KCNIP1: variants seen among roughly 807,000 people sequenced by gnomAD.
KCNIP1 encodes potassium voltage-gated channel interacting protein 1.
In KCNIP1, 18 loss-of-function variants were observed where a neutral mutation model predicts 33.0. The ratio of observed to expected loss-of-function variants is 0.55; its 90% CI spans 0.38 to 0.81. The LOEUF (loss-of-function observed/expected upper bound fraction) is 0.81. Ranked by LOEUF, KCNIP1 falls within the 30% of genes least tolerant of loss-of-function variation. The pLI, the probability that KCNIP1 is intolerant of heterozygous loss-of-function variation, is 0.00. For missense variants in KCNIP1, 238 were observed against 271.6 expected (o/e 0.88, Z 0.87); for synonymous variants, 93 against 98.3 (o/e 0.95, Z 0.32).
At position 170,726,745 on chromosome 5, in the gene KCNIP1, CA is replaced by C. The variant is rs57173351; in HGVS notation, c.435+3944del. ...CGAGACACTGTCTCTACTAAAAATA[CA>C]AAAAAAAAAAAAAAAAAAGCCAGAC... On this transcript the variant is annotated intron_variant, in intron 5 of 7. Transcript: ENST00000328939. Among the ~76,000 whole-genome samples the C allele has an allele frequency of 3.7e-3, 210 of 56,688 alleles. 1 individual carries two copies. Among genetic ancestry groups the C allele is most frequent in the Middle Eastern group, 0.015 (1 of 68 alleles). 37.2% of individuals were successfully genotyped at this position (56,688 alleles called of 152,430 possible).
At chr5:170,426,728 A>C (rs1017280798) in intron 1 of KCNIP1, among the ~76,000 whole-genome samples, 1 of 152,244 alleles carries the variant, frequency 6.6e-6, no homozygotes, top group Admixed American at 6.5e-5. Flanking sequence ...TTCACACTCC[A>C]CCCAGATTTT....
chr5:170,626,108 A>G (rs1455949095), intron 1 of KCNIP1, among the ~76,000 whole-genome samples: 2 of 152,172 alleles, frequency 1.3e-5, no homozygotes, highest in Non-Finnish European at 2.9e-5. Context: ...AAGGTGCTGG[A>G]AGGTTTGAAG....
At chr5:170,713,948 C>T (rs1402957833) in intron 1 of KCNIP1, among the ~76,000 whole-genome samples, 12 of 151,194 alleles carry the variant, frequency 7.9e-5, no homozygotes, top group African/African-American at 2.2e-4. Context: ...TGCTTGAACC[C>T]GGGAGGTGGA....
At chr5:170,556,155 T>G (rs563828983) in intron 1 of KCNIP1, among the ~76,000 whole-genome samples, 88 of 152,366 alleles carry the variant, frequency 5.8e-4, no homozygotes, top group African/African-American at 2.0e-3. Context: ...TAGGTGTTAT[T>G]ATCCCTATTT....
Position 170,704,002 on chromosome 5 carries a change from G to C in KCNIP1, c.62-14756G>C, listed in dbSNP as rs7379548. Among the ~76,000 whole-genome samples the C allele has an allele frequency of 7.8e-3, 1,078 of 138,300 alleles. 174 individuals carry two copies. The highest frequency in any genetic ancestry group is 0.014 in the Admixed American group (173 of 12,662). The allele number at this position is 138,300 out of a possible 152,430, so 90.7% of individuals were successfully genotyped here. A position where few individuals can be genotyped will look rare whatever the true frequency, so the allele number is the denominator to read the frequency against. ...AGATTTTGATACCTGCTGGGTGATT[G>C]CTAGAGATAATAAGTGCTTTGGGAA... On this transcript the variant is annotated intron_variant, in intron 1 of 7. Transcript: ENST00000328939.
intron 1 of KCNIP1, among the ~76,000 whole-genome samples, chr5:170,711,083 T>C (rs777710647): frequency 6.6e-6 from 1 of 152,230 alleles, no homozygotes; most frequent in Non-Finnish European, 1.5e-5. Context: ...TCGTTAATTA[T>C]GGCATCTCTT....
intron 1 of KCNIP1, among the ~76,000 whole-genome samples, chr5:170,511,905 G>A (rs1054498045): frequency 6.6e-6 from 1 of 152,144 alleles, no homozygotes; most frequent in African/African-American, 2.4e-5. Flanking sequence ...GTCAAAACGG[G>A]TGCATGGATG....
At position 170,491,780 on chromosome 5, in the gene KCNIP1, G is replaced by A. The variant is rs78933731; in HGVS notation, c.88+137816G>A. On this transcript the variant is annotated intron_variant, in intron 1 of 7. Transcript: ENST00000377360. ...AAACTCAGGGAATTTTAAATATGCCGGAAACTTTCCAGAGCCCTGAGTTGC... is the reference window on the plus strand; with the variant it reads ...AAACTCAGGGAATTTTAAATATGCCAGAAACTTTCCAGAGCCCTGAGTTGC... 8.5e-4 allele frequency among the ~76,000 whole-genome samples: 129 copies of A among 152,250 alleles called. No homozygotes were observed. In the East Asian group the frequency reaches 0.018, roughly 21 times the overall value.
intron 1 of KCNIP1, among the ~76,000 whole-genome samples, chr5:170,441,820 C>T (rs1006669823): frequency 3.3e-5 from 5 of 151,826 alleles, no homozygotes; most frequent in African/African-American, 9.7e-5. Flanking sequence ...GGCATGGTGG[C>T]GGGCACCTGT....
chr5:170,589,767 G>GGT (rs1554102977), intron 1 of KCNIP1, among the ~76,000 whole-genome samples: 2 of 123,736 alleles, frequency 1.6e-5, no homozygotes, highest in Non-Finnish European at 3.7e-5. Context: ...GGTGTGGTGT[G>GGT]GTGTGGTGTG....
At chr5:170,594,212 C>A (rs893582999) in intron 1 of KCNIP1, among the ~76,000 whole-genome samples, 1 of 152,162 alleles carries the variant, frequency 6.6e-6, no homozygotes, top group Admixed American at 6.5e-5. Context: ...CTATTCCCAT[C>A]TTCCCTCATT....
chr5:170,590,026 G>A (rs890173082), intron 1 of KCNIP1, among the ~76,000 whole-genome samples: 3 of 152,246 alleles, frequency 2.0e-5, no homozygotes, highest in Admixed American at 6.5e-5. Context: ...AACTCCCAGC[G>A]GGAGTTAGGA....
intron 1 of KCNIP1, among the ~76,000 whole-genome samples, chr5:170,699,406 C>T (rs1405208896): frequency 1.3e-5 from 2 of 152,086 alleles, no homozygotes; most frequent in African/African-American, 4.8e-5. Flanking sequence ...GGATCCTCAT[C>T]CCATTGCCTC....
At chr5:170,658,491 A>C (rs1465310920) in intron 1 of KCNIP1, among the ~76,000 whole-genome samples, 1 of 152,222 alleles carries the variant, frequency 6.6e-6, no homozygotes, top group African/African-American at 2.4e-5. Flanking sequence ...ATTGAGTTTC[A>C]ACATGAGTTT....
rs146914185 is a variant in KCNIP1, at chr5:170,538,517, G to T, written c.61+33884G>T. Among the ~76,000 whole-genome samples the T allele has an allele frequency of 2.2e-4, 33 of 151,912 alleles. 2 individuals are homozygous for T. In the East Asian group the frequency reaches 6.3e-3, roughly 29 times the overall value. The stretch of plus-strand genomic sequence containing the variant: ...TGATTTTGGACCCTGTTGGAATGAG[G>T]GTCACAAGAGGGTCTGTCTGTCCAC... On this transcript the variant is annotated intron_variant, in intron 1 of 7. Transcript: ENST00000328939.
intron 1 of KCNIP1, among the ~76,000 whole-genome samples, chr5:170,561,424 G>A (rs907729145): frequency 6.6e-6 from 1 of 152,198 alleles, no homozygotes; most frequent in South Asian, 2.1e-4. Flanking sequence ...ACAGAGAAAG[G>A]AGGAGGATGG....
At chr5:170,456,431 C>T (rs1486867223) in intron 1 of KCNIP1, among the ~76,000 whole-genome samples, 1 of 151,992 alleles carries the variant, frequency 6.6e-6, no homozygotes, top group Non-Finnish European at 1.5e-5. Context: ...ACCTGTGTAA[C>T]AAACCTGCAC....
chr5:170,700,531 T>C (rs539941995), intron 1 of KCNIP1, among the ~76,000 whole-genome samples: 1 of 152,226 alleles, frequency 6.6e-6, no homozygotes, highest in East Asian at 1.9e-4. Flanking sequence ...ATTGCCCCAT[T>C]GCACTCCATT....
intron 1 of KCNIP1, among the ~76,000 whole-genome samples, chr5:170,545,766 T>C (rs1756387551): frequency 3.9e-5 from 6 of 152,210 alleles, no homozygotes; most frequent in Admixed American, 3.9e-4. Flanking sequence ...TTTTTCTCTA[T>C]TCTCTTTAAC....
Sources: allele counts gnomAD v4.1 joint callset (sites outside exome capture counted in the v4.1 genomes callset), GRCh38; gene constraint gnomAD v4.1.1; transcripts MANE v1.5; gene names NCBI Gene and HGNC (gene_info 2026-07-23, HGNC 2026-07-21).